ZNF568: variants seen among roughly 807,000 people sequenced by gnomAD.
The protein encoded by ZNF568 is p53 inhibitor of SCO2 activation.
A neutral mutation model predicts 18.1 loss-of-function variants in ZNF568; 11 were observed. The observed-to-expected ratio is 0.61, with a 90% CI of 0.38 to 1.00. ZNF568 has a LOEUF of 1.00. Among genes scored for constraint, ZNF568 ranks in the 50% least tolerant of loss-of-function variants. The pLI is 0.01. For synonymous variants in ZNF568, 213 were observed against 246.6 expected (o/e 0.86, Z 1.28); for missense variants, 639 against 768.2 (o/e 0.83, Z 1.99).
intron 3 of ZNF568, among the ~76,000 whole-genome samples, chr19:36,924,888 A>T (rs2073525966): frequency 6.6e-6 from 1 of 152,054 alleles, no homozygotes; most frequent in Non-Finnish European, 1.5e-5. Flanking sequence ...TTTTTGGGGT[A>T]ACTATTATTA....
intron 2 of ZNF568, among the ~76,000 whole-genome samples, chr19:36,918,239 C>A (rs1373060222): frequency 6.6e-6 from 1 of 152,130 alleles, no homozygotes; most frequent in Non-Finnish European, 1.5e-5. Context: ...CCACCATGCC[C>A]AGCCTATTCT....
chr19:36,919,605 G>A (rs2073415931), intron 2 of ZNF568, among the ~76,000 whole-genome samples: 1 of 152,122 alleles, frequency 6.6e-6, no homozygotes, highest in East Asian at 1.9e-4. Context: ...GATAGAAGGT[G>A]GAGCTCAGGC....
rs771009802 is a variant in ZNF568 at position 36,925,222 on chromosome 19, C to T, written c.99C>T (p.Ala33=). The T allele has an allele frequency of 1.2e-6, 2 of 1,614,016 alleles. No homozygotes were observed. The highest frequency in any genetic ancestry group is 2.2e-5 in the South Asian group (2 of 91,072). Residue 33 remains alanine, a synonymous_variant, in exon 4 of 7, where the codon GCC becomes GCT. Transcript: ENST00000333987. The part of the protein sequence containing the change: ...ERKAWCSQES[A]LSEEEEDTTR... The stretch of plus-strand genomic sequence containing the variant: ...CAGCTTGGTGTTCTCAAGAGTCTGC[C>T]CTTTCCGAGGAAGAAGAGGATACAA...
chr19:36,996,770 T>G, exon 5 of ZNF568: 1 of 1,548,568 alleles, frequency 6.5e-7, no homozygotes, highest in Non-Finnish European at 8.7e-7. Flanking sequence ...CCTCAGAGCA[T>G]TAATACTGGA....
chr19:36,927,805 A>T (rs2073581318), intron 4 of ZNF568, among the ~76,000 whole-genome samples: 2 of 137,262 alleles, frequency 1.5e-5, no homozygotes, highest in Non-Finnish European at 3.1e-5. Context: ...AAATACATAT[A>T]TATAAAAAAT....
intron 4 of ZNF568, among the ~76,000 whole-genome samples, chr19:36,927,895 ATATATATATTTTTTTTTTTTTTTT>A (rs2073603355): frequency 2.3e-4 from 6 of 25,758 alleles, no homozygotes; most frequent in South Asian, 1.3e-3. Flanking sequence ...TATTATATAT[ATATATATATTTTTTTTTTTTTTTT>A]TTTTTTTTTT....
At chr19:36,982,118 A>AAG, downstream of ZNF568, among the ~76,000 whole-genome samples, 1 of 152,056 alleles carries the variant, frequency 6.6e-6, no homozygotes, top group Non-Finnish European at 1.5e-5. Flanking sequence ...TTTGGTTGTA[A>AAG]ATAATTGTCT....
At chr19:36,978,881 A>G in intron 7 of ZNF568, 1 of 260,160 alleles carries the variant, frequency 3.8e-6, no homozygotes, top group South Asian at 3.3e-5. Context: ...TACTGAACCT[A>G]GTCAAGAACA....
chr19:36,960,975 T>C (rs75670639), intron 6 of ZNF568, among the ~76,000 whole-genome samples: 1 of 152,290 alleles, frequency 6.6e-6, no homozygotes, highest in African/African-American at 2.4e-5. Flanking sequence ...CATGTACTGA[T>C]GAAAATAATG....
downstream of ZNF568, among the ~76,000 whole-genome samples, chr19:36,984,145 C>A (rs1203149670): frequency 6.6e-6 from 1 of 152,094 alleles, no homozygotes. Context: ...ATGATCCCCC[C>A]ACCTCGGCCT....
Position 36,948,658 on chromosome 19 carries a change from A to ATTTTTTTTTTTTTT in ZNF568, c.359-842_359-829dup, listed in dbSNP as rs4069585. On this transcript the variant is annotated intron_variant, in intron 6 of 6. Transcript: ENST00000333987. The stretch of plus-strand genomic sequence containing the variant: ...TTGCAGCAGGGGTTTTTTGTTGTTG[A>ATTTTTTTTTTTTTT]TTTTTTTTTTTTTTTTTTTTTTTTT... 6.7e-4 allele frequency among the ~76,000 whole-genome samples: 56 copies of ATTTTTTTTTTTTTT among 83,556 alleles called. 2 individuals carry two copies. Among genetic ancestry groups the ATTTTTTTTTTTTTT allele is most frequent in the African/African-American group, 1.1e-3 (23 of 21,002 alleles). 54.8% of individuals were successfully genotyped at this position (83,556 alleles called of 152,430 possible). A position where few individuals can be genotyped will look rare whatever the true frequency, so the allele number is the denominator to read the frequency against.
At chr19:36,924,191 C>T (rs1451759121) in intron 3 of ZNF568, among the ~76,000 whole-genome samples, 1 of 151,896 alleles carries the variant, frequency 6.6e-6, no homozygotes, top group African/African-American at 2.4e-5. Flanking sequence ...TTACCTATAG[C>T]CAGTCTCTGA....
At chr19:36,997,123 C>A (rs752008255) in exon 5 of ZNF568, 1 of 1,568,772 alleles carries the variant, frequency 6.4e-7, no homozygotes, top group Admixed American at 1.9e-5. Flanking sequence ...TGGTGAAAGA[C>A]GCTATGAATG....
rs2073476814 is a variant in ZNF568 at position 36,922,661 on chromosome 19, G to C, written c.-110G>C. 6 of 767,390 alleles carry C rather than the reference G, an allele frequency of 7.8e-6. 1 individual carries two copies. The Admixed American group carries it at 1.3e-4, about 16-fold the overall frequency. The allele number at this position is 767,390 out of a possible 1,614,324, so 47.5% of individuals were successfully genotyped here. ...AGGAACAGGTGTCTTATCATGGAAG[G>C]AGACCTGACCTGAGACCTGCCTTAG... On this transcript the variant is annotated 5_prime_UTR_variant, in exon 3 of 7. Coordinates refer to ENST00000333987, the MANE Select transcript of ZNF568 (RefSeq NM_198539.4).
chr19:36,929,221 C>A (rs543212), intron 4 of ZNF568, among the ~76,000 whole-genome samples: 86,672 of 151,884 alleles, frequency 0.57, 25,604 homozygotes, highest in African/African-American at 0.7. Flanking sequence ...TTATTTTAAA[C>A]AATTATATTC....
intron 2 of ZNF568, among the ~76,000 whole-genome samples, 168 bp downstream of exon 2, chr19:36,917,816 T>C (rs769081347): frequency 6.6e-6 from 1 of 152,252 alleles, no homozygotes. Flanking sequence ...TCTGCTATTA[T>C]CCTTTTTTAA....
chr19:36,952,596 A>G lies in ZNF568; in HGVS notation c.*1508A>G. On this transcript the variant is annotated 3_prime_UTR_variant, in exon 7 of 7. Coordinates refer to ENST00000333987, the MANE Select transcript of ZNF568 (RefSeq NM_198539.4). ...AATAGAATAGAAGGATACACACCCA[A>G]TTATTGATAGCATTGTCTCTGGAGA... is the stretch of plus-strand genomic sequence containing the variant. 1 of 161,718 alleles carries G rather than the reference A, an allele frequency of 6.2e-6. No homozygotes were observed. Among genetic ancestry groups the G allele is most frequent in the Non-Finnish European group, 1.3e-5 (1 of 76,654 alleles). The allele number at this position is 161,718 out of a possible 1,614,324, so 10.0% of individuals were successfully genotyped here. A position where few individuals can be genotyped will look rare whatever the true frequency, so the allele number is the denominator to read the frequency against.
At chr19:36,958,527 AG>A (rs2146320633) in intron 6 of ZNF568, among the ~76,000 whole-genome samples, 1 of 151,376 alleles carries the variant, frequency 6.6e-6, no homozygotes, top group Admixed American at 6.6e-5. Flanking sequence ...TGTTTCATGT[AG>A]ATTATCAAAT....
chr19:36,950,232 A>G lies in ZNF568; in HGVS notation c.1079A>G (p.Lys360Arg). ...IEHEKIHTGE[K>R]PYACNECGRA... ...CACGAGAAAATTCATACTGGGGAGA[A>G]ACCTTATGCATGTAATGAATGTGGT... Residue 360 changes from lysine (K) to arginine (R), a missense_variant, in exon 7 of 7, where the codon AAA (lysine) becomes AGA (arginine). Lys to Arg is a conservative substitution (Grantham distance 26). Coordinates refer to ENST00000333987, the MANE Select transcript of ZNF568 (RefSeq NM_198539.4). 6.2e-7 allele frequency: 1 copy of G among 1,613,968 alleles called. No homozygotes were observed. Among genetic ancestry groups the G allele is most frequent in the Non-Finnish European group, 8.5e-7 (1 of 1,179,916 alleles).
Sources: allele counts gnomAD v4.1 joint callset (sites outside exome capture counted in the v4.1 genomes callset), GRCh38; gene constraint gnomAD v4.1.1; transcripts MANE v1.5; gene names NCBI Gene and HGNC (gene_info 2026-07-23, HGNC 2026-07-21).